Variants in HPSE2 observed in about 807,000 individuals in gnomAD.
HPSE2 encodes heparanase 2 (inactive), also known as inactive heparanase-2.
In HPSE2, 38 loss-of-function variants were observed where a neutral mutation model predicts 60.5. The ratio of observed to expected loss-of-function variants is 0.63; its 90% CI spans 0.48 to 0.82. The LOEUF (loss-of-function observed/expected upper bound fraction) is 0.82, where lower values mean the gene tolerates loss of function less well. HPSE2 is among the 40% of genes least tolerant of loss of function. The pLI is 0.00. For synonymous variants in HPSE2, 295 were observed against 293.2 expected, an observed-to-expected ratio of 1.01 and a Z score of -0.06; for missense variants, 713 against 740.4, an observed-to-expected ratio of 0.96 and a Z score of 0.43.
At chr10:99,036,705 G>A (rs183509346) in intron 3 of HPSE2, among the ~76,000 whole-genome samples, 1 of 152,308 alleles carries the variant, frequency 6.6e-6, no homozygotes, top group Admixed American at 6.5e-5. Context: ...GCTTAAATTA[G>A]TGGGTAAAAG....
chr10:99,118,595 A>G (rs1844808848), intron 3 of HPSE2, among the ~76,000 whole-genome samples: 2 of 152,022 alleles, frequency 1.3e-5, no homozygotes, highest in Admixed American at 1.3e-4. Flanking sequence ...TGAATATCAT[A>G]CTGAATGGGC....
chr10:99,055,903 C>T (rs758608250), intron 3 of HPSE2, among the ~76,000 whole-genome samples: 4 of 152,028 alleles, frequency 2.6e-5, no homozygotes, highest in African/African-American at 7.2e-5. Flanking sequence ...ATCTAAATCT[C>T]CACCTTAACA....
intron 3 of HPSE2, among the ~76,000 whole-genome samples, chr10:98,859,168 C>T (rs1265257979): frequency 3.3e-5 from 5 of 152,104 alleles, no homozygotes; most frequent in Admixed American, 2.0e-4. Flanking sequence ...ATTGAAATGC[C>T]GCCATGCTTA....
intron 3 of HPSE2, among the ~76,000 whole-genome samples, chr10:98,921,717 C>T (rs965118463): frequency 6.6e-6 from 1 of 152,170 alleles, no homozygotes; most frequent in African/African-American, 2.4e-5. Context: ...TTCATATTCC[C>T]CAGCAGCTGA....
intron 7 of HPSE2, among the ~76,000 whole-genome samples, chr10:98,633,729 A>G (rs1248478435): frequency 6.6e-6 from 1 of 152,160 alleles, no homozygotes; most frequent in Non-Finnish European, 1.5e-5. Context: ...ATTTTCGACT[A>G]TGCAAGGGAG....
intron 6 of HPSE2, among the ~76,000 whole-genome samples, chr10:98,644,289 C>T (rs1946710044): frequency 6.6e-6 from 1 of 152,034 alleles, no homozygotes; most frequent in Admixed American, 6.5e-5. Flanking sequence ...ATTCAATAAC[C>T]AGATCTACTC....
chr10:98,915,367 T>A (rs1370342908), intron 3 of HPSE2, among the ~76,000 whole-genome samples: 1 of 152,088 alleles, frequency 6.6e-6, no homozygotes. Context: ...CAGGATGGTC[T>A]TGATCTCCTG....
At chr10:98,724,332 G>A (rs1357793540) in intron 4 of HPSE2, among the ~76,000 whole-genome samples, 1 of 152,130 alleles carries the variant, frequency 6.6e-6, no homozygotes, top group Non-Finnish European at 1.5e-5. Flanking sequence ...CTGAGAGACA[G>A]TTTGTTATAA....
rs557418285 is a variant in HPSE2, at chr10:99,112,905, C to G, written c.610+31333G>C. On this transcript the variant is annotated intron_variant, in intron 3 of 11. Coordinates refer to ENST00000370552, the MANE Select transcript of HPSE2 (RefSeq NM_021828.5). The stretch of plus-strand genomic sequence containing the variant: ...AAGTATGTTCAATTGCCCACACCCA[C>G]GCAATCTCTATAATAAACTATGTTT... 7.9e-5 allele frequency among the ~76,000 whole-genome samples: 12 copies of G among 152,098 alleles called. No individual in the cohort carries two copies. The South Asian group carries it at 1.2e-3, about 16-fold the overall frequency.
chr10:98,698,951 A>C (rs1029244673), intron 5 of HPSE2, among the ~76,000 whole-genome samples: 13 of 152,188 alleles, frequency 8.5e-5, no homozygotes, highest in African/African-American at 3.1e-4. Flanking sequence ...GAAGAAGTTG[A>C]CTCTCTGAAT....
intron 2 of HPSE2, among the ~76,000 whole-genome samples, chr10:99,164,336 C>T (rs865851822): frequency 5.7e-5 from 8 of 140,432 alleles, no homozygotes; most frequent in Non-Finnish European, 1.2e-4. Flanking sequence ...GTTGGACAAA[C>T]TGTTCCAGCT....
At chr10:98,529,200 C>T (rs989574679) in intron 9 of HPSE2, among the ~76,000 whole-genome samples, 11 of 152,176 alleles carry the variant, frequency 7.2e-5, no homozygotes, top group African/African-American at 1.4e-4. Flanking sequence ...AAGCCTCTTT[C>T]GAAACTTCTA....
intron 3 of HPSE2, among the ~76,000 whole-genome samples, chr10:99,041,423 T>C (rs1483517643): frequency 1.3e-5 from 2 of 152,094 alleles, no homozygotes; most frequent in African/African-American, 4.8e-5. Context: ...TGGGGACCCA[T>C]ACTTCTGCCA....
chr10:99,303,214 G>A, the HPSE2 span, among the ~76,000 whole-genome samples: 33 of 152,102 alleles, frequency 2.2e-4, no homozygotes, highest in African/African-American at 5.3e-4. Flanking sequence ...AAGTTCTGTC[G>A]GAAGATCTCA....
chr10:98,538,360 T>C (rs1943354413), intron 9 of HPSE2, among the ~76,000 whole-genome samples: 1 of 152,196 alleles, frequency 6.6e-6, no homozygotes, highest in Admixed American at 6.5e-5. Context: ...TCTTCATCTT[T>C]TTATGGGTCC....
At chr10:99,032,599 A>G (rs1456097209) in intron 3 of HPSE2, among the ~76,000 whole-genome samples, 1 of 152,190 alleles carries the variant, frequency 6.6e-6, no homozygotes, top group African/African-American at 2.4e-5. Context: ...TCAGTTTTCT[A>G]TTGCTGCTAT....
At chr10:99,050,328 A>G (rs1589576786) in intron 3 of HPSE2, among the ~76,000 whole-genome samples, 1 of 152,056 alleles carries the variant, frequency 6.6e-6, no homozygotes, top group Non-Finnish European at 1.5e-5. Flanking sequence ...TAAAACTTGA[A>G]AAGATAACAA....
the HPSE2 span, among the ~76,000 whole-genome samples, chr10:99,309,891 C>T: frequency 6.6e-6 from 1 of 152,220 alleles, no homozygotes; most frequent in South Asian, 2.1e-4. Flanking sequence ...CCTGTGGCTG[C>T]TGTAACAAAT....
chr10:98,729,000 C>T (rs1949160562), intron 4 of HPSE2, among the ~76,000 whole-genome samples: 1 of 151,656 alleles, frequency 6.6e-6, no homozygotes, highest in African/African-American at 2.4e-5. Flanking sequence ...CAGAGCAGGG[C>T]CTTGTATGAA....
Sources: allele counts gnomAD v4.1 joint callset (sites outside exome capture counted in the v4.1 genomes callset), GRCh38; gene constraint gnomAD v4.1.1; transcripts MANE v1.5; gene names NCBI Gene and HGNC (gene_info 2026-07-23, HGNC 2026-07-21).